Variants in FBXO47 observed in about 807,000 individuals in gnomAD.
The protein encoded by FBXO47 is F-box protein 47, also known as F-box only protein 47.
A neutral mutation model predicts 53.9 loss-of-function variants in FBXO47; 34 were observed. The observed-to-expected ratio is 0.63, with a 90% CI of 0.48 to 0.84. FBXO47 has a LOEUF of 0.84. Ranked by LOEUF, FBXO47 falls within the 40% of genes least tolerant of loss-of-function variation. The probability of loss-of-function intolerance (pLI) is 0.00; values close to 1 mark genes in which losing one functional copy is unlikely to be tolerated. For missense variants in FBXO47, 485 were observed against 541.3 expected (o/e 0.90, Z 1.03); for synonymous variants, 165 against 181.6 (o/e 0.91, Z 0.73).
rs1249586951 is a variant in FBXO47 at position 38,947,053 on chromosome 17, CATATATAAAT to C, written c.617-1927_617-1918del. Among the ~76,000 whole-genome samples, 45 of 125,066 alleles carry C rather than the reference CATATATAAAT, an allele frequency of 3.6e-4. 1 individual carries two copies. In the South Asian group the frequency reaches 6.8e-3, roughly 19 times the overall value. The allele number at this position is 125,066 out of a possible 152,430, so 82.0% of individuals were successfully genotyped here. On this transcript the variant is annotated intron_variant, in intron 6 of 10. Transcript: ENST00000378079. ...ACAAATATATGTAAATATATAAAAA[CATATATAAAT>C]ATATATAAACATATATAAACATATA...
intron 3 of FBXO47, 118 bp from the exon 4 acceptor site, chr17:38,957,371 G>T (rs1211548958): frequency 3.1e-6 from 2 of 640,578 alleles, no homozygotes; most frequent in Admixed American, 2.5e-5. Context: ...ACTATGAGTT[G>T]ATATGATTTC....
intron 1 of FBXO47, among the ~76,000 whole-genome samples, chr17:38,964,622 T>C (rs763809757): frequency 1.3e-5 from 2 of 151,596 alleles, no homozygotes; most frequent in Non-Finnish European, 2.9e-5. Context: ...GATCATGTCA[T>C]TGCACTCCAG....
intron 4 of FBXO47, among the ~76,000 whole-genome samples, chr17:38,955,673 C>T (rs993355224): frequency 2.6e-5 from 4 of 151,048 alleles, no homozygotes; most frequent in Admixed American, 6.6e-5. Context: ...AACCTTTTGC[C>T]GGTTTAGTAG....
At chr17:38,942,448 C>G (rs552456680) in intron 9 of FBXO47, among the ~76,000 whole-genome samples, 88 of 152,134 alleles carry the variant, frequency 5.8e-4, no homozygotes, top group African/African-American at 1.7e-3. Flanking sequence ...CAAAAATTAG[C>G]TGGGGCATAG....
Position 38,963,066 on chromosome 17 carries a change from A to G in FBXO47, c.-26-15T>C, listed in dbSNP as rs1287897563. 1.4e-6 allele frequency: 2 copies of G among 1,476,812 alleles called. No homozygotes were observed. Among genetic ancestry groups the G allele is most frequent in the Admixed American group, 3.7e-5 (2 of 54,338 alleles). 91.5% of individuals were successfully genotyped at this position (1,476,812 alleles called of 1,614,324 possible). ...ACAAATTTATCCTGGTCAGAAAAAC[A>G]AAGTACAAGAGACAAGAAAGAAAGG... is the stretch of plus-strand genomic sequence containing the variant. On this transcript the variant is annotated splice_polypyrimidine_tract_variant and intron_variant, in intron 1 of 10. Coordinates refer to ENST00000378079, the MANE Select transcript of FBXO47 (RefSeq NM_001008777.3).
At chr17:38,939,889 A>G (rs984678835) in intron 9 of FBXO47, among the ~76,000 whole-genome samples, 11 of 150,836 alleles carry the variant, frequency 7.3e-5, no homozygotes, top group South Asian at 4.2e-4. Flanking sequence ...GGATGGTCTC[A>G]ATCTCCTGAC....
At chr17:38,945,161 T>C in intron 6 of FBXO47, 25 bp from the exon 7 acceptor site, 1 of 1,550,888 alleles carries the variant, frequency 6.4e-7, no homozygotes, top group Non-Finnish European at 8.9e-7. Flanking sequence ...GAATTGTAAA[T>C]CATTCTTCGT....
At chr17:38,941,615 TAA>T (rs1567714134) in intron 9 of FBXO47, among the ~76,000 whole-genome samples, 41 of 111,936 alleles carry the variant, frequency 3.7e-4, no homozygotes, top group Non-Finnish European at 5.9e-4. Context: ...TAAATAAATA[TAA>T]TATTATATAT....
Position 38,944,190 on chromosome 17 carries a change from C to CGTGTGTGT in FBXO47, c.794-455_794-454insACACACAC, listed in dbSNP as rs1479938002. On this transcript the variant is annotated intron_variant, in intron 7 of 10. Coordinates refer to ENST00000378079, the MANE Select transcript of FBXO47 (RefSeq NM_001008777.3). ...CAGCGAGACTCTGTCTCAAAAAAAA[C>CGTGTGTGT]ATGTGTGTGTGTGTGTGTGTGTGTG... is the stretch of plus-strand genomic sequence containing the variant. Among the ~76,000 whole-genome samples the CGTGTGTGT allele has an allele frequency of 2.9e-3, 351 of 122,752 alleles. 1 individual carries two copies. The highest frequency in any genetic ancestry group is 4.1e-3 in the Middle Eastern group (1 of 246). 80.5% of individuals were successfully genotyped at this position (122,752 alleles called of 152,430 possible).
intron 6 of FBXO47, among the ~76,000 whole-genome samples, 158 bp downstream of exon 6, chr17:38,951,423 G>T: frequency 6.6e-6 from 1 of 151,808 alleles, no homozygotes; most frequent in East Asian, 1.9e-4. Context: ...TGAACTTCTG[G>T]ACTCAAGTGA....
intron 7 of FBXO47, among the ~76,000 whole-genome samples, chr17:38,944,191 ATGTGTGTGTGTGTGTGTGTGTG>A (rs71141737): frequency 3.0e-5 from 4 of 133,612 alleles, no homozygotes; most frequent in East Asian, 2.3e-4. Context: ...CAAAAAAAAC[ATGTGTGTGTGTGTGTGTGTGTG>A]TGTGTGTGTG....
chr17:38,938,291 G>A (rs1904345216), intron 10 of FBXO47, among the ~76,000 whole-genome samples: 1 of 152,170 alleles, frequency 6.6e-6, no homozygotes, highest in Non-Finnish European at 1.5e-5. Context: ...AAAATTGAAA[G>A]TGGTTCCTTT....
chr17:38,953,069 G>A (rs1905377278), intron 5 of FBXO47, among the ~76,000 whole-genome samples: 1 of 150,194 alleles, frequency 6.7e-6, no homozygotes, highest in Non-Finnish European at 1.5e-5. Context: ...TTGAGGTCAG[G>A]AGTTTGAAAC....
intron 6 of FBXO47, among the ~76,000 whole-genome samples, chr17:38,945,516 A>C (rs1347160646): frequency 6.6e-6 from 1 of 152,114 alleles, no homozygotes; most frequent in Non-Finnish European, 1.5e-5. Flanking sequence ...TGAAAGTTTT[A>C]TGGCAGGTGT....
Position 38,957,169 on chromosome 17 carries a change from G to T in FBXO47, c.429+8C>A. ...AGATTGTAAACTAATTTAGAAGTAT[G>T]ATCTTACTTCTGTGAGTATCTTGTG... On this transcript the variant is annotated splice_region_variant and intron_variant, in intron 4 of 10. Transcript: ENST00000378079. 1.9e-6 allele frequency: 3 copies of T among 1,557,042 alleles called. No homozygotes were observed. Among genetic ancestry groups the T allele is most frequent in the Non-Finnish European group, 2.7e-6 (3 of 1,129,748 alleles).
At chr17:38,946,905 AATAT>A (rs1248070953) in intron 6 of FBXO47, among the ~76,000 whole-genome samples, 2 of 119,844 alleles carry the variant, frequency 1.7e-5, no homozygotes, top group Non-Finnish European at 3.2e-5. Flanking sequence ...AACATATATA[AATAT>A]ATATAAACAT....
intron 5 of FBXO47, among the ~76,000 whole-genome samples, chr17:38,952,798 T>C (rs117754639): frequency 6.0e-5 from 9 of 150,234 alleles, no homozygotes; most frequent in Non-Finnish European, 8.9e-5. Flanking sequence ...GTGACAATTC[T>C]GAGCATTTAT....
rs777852446 is a variant in FBXO47 at position 38,937,230 on chromosome 17, G to A, written c.1304C>T (p.Ala435Val). 3 of 1,610,770 alleles carry A rather than the reference G, an allele frequency of 1.9e-6. No individual in the cohort carries two copies. Among genetic ancestry groups the A allele is most frequent in the Non-Finnish European group, 2.5e-6 (3 of 1,177,446 alleles). Reference protein sequence around the residue: ...LNLFHLVHAQANFHKEVLYLT... With the variant: ...LNLFHLVHAQVNFHKEVLYLT... ...ATACAGGACCTCCTTATGGAAGTTA[G>A]CCTGAGCATGTACAAGATGGAACAA... The change falls in exon 11 of 11, where the codon GCT becomes GTT. Residue 435 changes from alanine (A) to valine (V), a missense_variant. Coordinates refer to ENST00000378079, the MANE Select transcript of FBXO47 (RefSeq NM_001008777.3).
chr17:38,940,621 C>A (rs1324489226), intron 9 of FBXO47, among the ~76,000 whole-genome samples: 22 of 151,932 alleles, frequency 1.4e-4, no homozygotes, highest in Admixed American at 1.4e-3. Flanking sequence ...TTTTCTTCTG[C>A]CTTGAATAAT....
Sources: gnomAD v4.1 joint callset for allele counts (sites outside exome capture counted in the v4.1 genomes callset) on GRCh38, gnomAD v4.1.1 for gene constraint, MANE v1.5 for transcripts, NCBI Gene and HGNC (gene_info 2026-07-23, HGNC 2026-07-21) for gene names.